TCTN3: variants seen among roughly 807,000 people sequenced by gnomAD.
The protein encoded by TCTN3 is tectonic family member 3, also known as tectonic-3.
In TCTN3, 57 loss-of-function variants were observed where a neutral mutation model predicts 71.3. The ratio of observed to expected loss-of-function variants is 0.80; its 90% CI spans 0.65 to 1.00. The LOEUF is 1.00. Ranked by LOEUF, TCTN3 falls within the 50% of genes least tolerant of loss-of-function variation. The probability of loss-of-function intolerance (pLI) is 0.00; values close to 1 mark genes in which losing one functional copy is unlikely to be tolerated. For synonymous variants in TCTN3, 258 were observed against 267.8 expected (o/e 0.96, Z 0.36); for missense variants, 696 against 719.9 (o/e 0.97, Z 0.38).
At chr10:95,684,217 A>G (rs747860138) in intron 9 of TCTN3, among the ~76,000 whole-genome samples, 39 of 152,372 alleles carry the variant, frequency 2.6e-4, no homozygotes, top group Non-Finnish European at 4.7e-4. Flanking sequence ...GGCTGAATTT[A>G]TGATTCAAAA....
chr10:95,680,407 CA>C, intron 13 of TCTN3, 64 bp downstream of exon 13: 1 of 1,519,898 alleles, frequency 6.6e-7, no homozygotes, highest in Non-Finnish European at 8.8e-7. Flanking sequence ...ATTTGGTTAA[CA>C]AATGACTGAT....
chr10:95,692,558 A>C (rs1322002232), intron 3 of TCTN3, among the ~76,000 whole-genome samples: 1 of 149,056 alleles, frequency 6.7e-6, no homozygotes, highest in Non-Finnish European at 1.5e-5. Context: ...AGAGGCAGAA[A>C]GAGGCGTAGA....
chr10:95,693,672 A>T lies in TCTN3; in HGVS notation c.228T>A (p.Pro76=), dbSNP rs1468519329. ...GGAAGAGGTCCACAGTCCTATTCCC[A>T]GGGGCCGAGGGAGTCACGAGAGTAG... ...VVPTLVTPSA[P]GNRTVDLFPV... Residue 76 remains proline (P), a synonymous_variant, in exon 1 of 14, where the codon CCT becomes CCA. Transcript: ENST00000371217. 2 of 1,551,634 alleles carry T rather than the reference A, an allele frequency of 1.3e-6. No homozygotes were observed. The highest frequency in any genetic ancestry group is 1.7e-6 in the Non-Finnish European group (2 of 1,146,960).
At chr10:95,673,976 A>C (rs2097934228) in intron 13 of TCTN3, among the ~76,000 whole-genome samples, 1 of 152,172 alleles carries the variant, frequency 6.6e-6, no homozygotes, top group South Asian at 2.1e-4. Flanking sequence ...TCTGTCTGAG[A>C]TTTAGAGTAA....
chr10:95,677,500 T>TTTTTTTTTTTTTTTTTTTTTTTC (rs2097938653), intron 13 of TCTN3, among the ~76,000 whole-genome samples: 1 of 146,602 alleles, frequency 6.8e-6, no homozygotes, highest in African/African-American at 2.4e-5. Flanking sequence ...TTTTTTTTTT[T>TTTTTTTTTTTTTTTTTTTTTTTC]TGCTGTATTT....
At chr10:95,693,302 C>T in intron 2 of TCTN3, 51 bp downstream of exon 2, 2 of 1,548,362 alleles carry the variant, frequency 1.3e-6, no homozygotes, top group Non-Finnish European at 1.7e-6. Flanking sequence ...AAATGTTACC[C>T]GTTGTAGGCC....
intron 13 of TCTN3, among the ~76,000 whole-genome samples, chr10:95,667,194 G>GT (rs1372613071): frequency 6.6e-6 from 1 of 152,126 alleles, no homozygotes; most frequent in Non-Finnish European, 1.5e-5. Flanking sequence ...TTCGAACTGA[G>GT]TTGTTCTTTC....
intron 12 of TCTN3, among the ~76,000 whole-genome samples, chr10:95,682,419 G>C (rs141293370): frequency 6.6e-6 from 1 of 151,846 alleles, no homozygotes; most frequent in African/African-American, 2.4e-5. Context: ...CCTTGAACCC[G>C]GGGGGTGGAG....
intron 13 of TCTN3, among the ~76,000 whole-genome samples, chr10:95,674,328 CTAGT>C: frequency 6.6e-6 from 1 of 152,080 alleles, no homozygotes; most frequent in Non-Finnish European, 1.5e-5. Flanking sequence ...TAAATAACAT[CTAGT>C]TATTTTTAGA....
chr10:95,677,488 T>G (rs796724681), intron 13 of TCTN3, among the ~76,000 whole-genome samples: 1 of 142,544 alleles, frequency 7.0e-6, no homozygotes, highest in Non-Finnish European at 1.6e-5. Flanking sequence ...TTTTTGTTTT[T>G]TTTTTTTTTT....
chr10:95,690,692 G>A (rs2097952708), intron 3 of TCTN3, among the ~76,000 whole-genome samples: 1 of 152,218 alleles, frequency 6.6e-6, no homozygotes, highest in African/African-American at 2.4e-5. Flanking sequence ...AGATCTGACA[G>A]GCTGGCTAAG....
intron 13 of TCTN3, among the ~76,000 whole-genome samples, chr10:95,677,994 T>G (rs1425847267): frequency 6.6e-6 from 1 of 152,200 alleles, no homozygotes; most frequent in Admixed American, 6.5e-5. Context: ...ATGCAGTATA[T>G]AGACTGGCAG....
At chr10:95,683,292 AT>A in intron 10 of TCTN3, 97 bp from the exon 11 acceptor site, 1 of 1,512,594 alleles carries the variant, frequency 6.6e-7, no homozygotes, top group South Asian at 1.2e-5. Flanking sequence ...AATGCTATTT[AT>A]TTTGTATTAC....
chr10:95,686,452 C>A, intron 7 of TCTN3, 43 bp downstream of exon 7: 1 of 1,608,008 alleles, frequency 6.2e-7, no homozygotes, highest in Non-Finnish European at 8.5e-7. Flanking sequence ...TGCAGAGGAG[C>A]CAAATATTCT....
At chr10:95,683,728 G>A in intron 9 of TCTN3, 99 bp from the exon 10 acceptor site, 3 of 971,606 alleles carry the variant, frequency 3.1e-6, no homozygotes, top group Non-Finnish European at 4.6e-6. Context: ...GCAAGGAAAT[G>A]CAATAAGTGA....
In TCTN3 at chr10:95,666,713, C is replaced by T. The variant is rs117967424; in HGVS notation, c.1591-2413G>A. 6.8e-3 allele frequency among the ~76,000 whole-genome samples: 1,029 copies of T among 152,218 alleles called. 4 individuals are homozygous for T. The highest frequency in any genetic ancestry group is 0.031 in the Middle Eastern group (9 of 294). On this transcript the variant is annotated intron_variant, in intron 13 of 13. Coordinates refer to ENST00000371217, the MANE Select transcript of TCTN3 (RefSeq NM_015631.6). ...TGATTTTTCAGCTATGGGTCAGTGT[C>T]GTCTAGAAGTTGATTGAATCAATGT...
At position 95,693,816 on chromosome 10, in the gene TCTN3, T is replaced by A. The variant is rs1166891623; in HGVS notation, c.84A>T (p.Pro28=). The change falls in exon 1 of 14, where the codon CCA becomes CCT. Residue 28 remains proline, a synonymous_variant. Transcript: ENST00000371217. ...CCAAAGACGTGGGCACTGCCCCTGATGGGGAGGAAGAGGGCTGAGGCCGGA... is the reference window on the plus strand; with the variant it reads ...CCAAAGACGTGGGCACTGCCCCTGAAGGGGAGGAAGAGGGCTGAGGCCGGA... ...DGVRPQPSSS[P]SGAVPTSLEL... is the part of the protein sequence containing the mutation. The A allele has an allele frequency of 1.4e-5, 22 of 1,551,568 alleles. No individual in the cohort carries two copies. Among genetic ancestry groups the A allele is most frequent in the Non-Finnish European group, 1.8e-5 (21 of 1,146,942 alleles).
At chr10:95,686,023 T>TC in intron 7 of TCTN3, among the ~76,000 whole-genome samples, 1 of 152,294 alleles carries the variant, frequency 6.6e-6, no homozygotes, top group South Asian at 2.1e-4. Flanking sequence ...GGTCAGGAGT[T>TC]CAAGACCAGC....
At chr10:95,693,104 C>T in intron 2 of TCTN3, 66 bp from the exon 3 acceptor site, 1 of 1,333,668 alleles carries the variant, frequency 7.5e-7, no homozygotes, top group South Asian at 1.3e-5. Context: ...AAAGAGTGTC[C>T]CAGCAATATC....
Sources: allele counts gnomAD v4.1 joint callset (sites outside exome capture counted in the v4.1 genomes callset), GRCh38; gene constraint gnomAD v4.1.1; transcripts MANE v1.5; gene names NCBI Gene and HGNC (gene_info 2026-07-23, HGNC 2026-07-21).